Variants in ME3 observed in about 807,000 individuals in gnomAD.
ME3 encodes malic enzyme 3.
A neutral mutation model predicts 68.9 loss-of-function variants in ME3; 48 were observed. The ratio of observed to expected loss-of-function variants is 0.70; its 90% confidence interval spans 0.55 to 0.89. The LOEUF (loss-of-function observed/expected upper bound fraction) is 0.89, where lower values mean the gene tolerates loss of function less well. ME3 is among the 40% of genes least tolerant of loss of function. The pLI is 0.00. For missense variants in ME3, 675 were observed against 797.4 expected, an observed-to-expected ratio of 0.85 and a Z score of 1.85; for synonymous variants, 320 against 318.8, an observed-to-expected ratio of 1.00 and a Z score of -0.04.
At chr11:86,552,747 G>A (rs1002188551) in intron 4 of ME3, among the ~76,000 whole-genome samples, 2 of 152,140 alleles carry the variant, frequency 1.3e-5, no homozygotes, top group African/African-American at 4.8e-5. Context: ...AATAAAGTCT[G>A]CCTTACCATC....
At chr11:86,629,279 T>C (rs1042671111) in intron 2 of ME3, among the ~76,000 whole-genome samples, 1 of 152,228 alleles carries the variant, frequency 6.6e-6, no homozygotes, top group Non-Finnish European at 1.5e-5. Context: ...CCCAGAGGCA[T>C]GGCTTTGTCT....
chr11:86,565,311 A>G (rs1458027298), intron 2 of ME3, among the ~76,000 whole-genome samples: 1 of 152,218 alleles, frequency 6.6e-6, no homozygotes, highest in Non-Finnish European at 1.5e-5. Flanking sequence ...GCCTGTATGG[A>G]AAGCGTAGTG....
chr11:86,566,748 A>G (rs1006402926), intron 2 of ME3, among the ~76,000 whole-genome samples: 3 of 152,146 alleles, frequency 2.0e-5, no homozygotes, highest in African/African-American at 7.2e-5. Context: ...ATTTTATAAT[A>G]AATAAGTATA....
chr11:86,444,167 TC>T (rs1254117486), intron 13 of ME3, among the ~76,000 whole-genome samples: 2 of 152,206 alleles, frequency 1.3e-5, no homozygotes, highest in Non-Finnish European at 2.9e-5. Context: ...AGGAAAGGCT[TC>T]TCAGAAGTGT....
At chr11:86,669,487 GGC>G (rs1238538829) in intron 2 of ME3, among the ~76,000 whole-genome samples, 2 of 152,104 alleles carry the variant, frequency 1.3e-5, no homozygotes, top group Non-Finnish European at 2.9e-5. Flanking sequence ...TCATGGCGAA[GGC>G]ACCTCCTCAG....
intron 2 of ME3, among the ~76,000 whole-genome samples, chr11:86,596,713 A>G (rs1565188382): frequency 6.6e-6 from 1 of 152,236 alleles, no homozygotes; most frequent in Non-Finnish European, 1.5e-5. Context: ...AAATTTCAGA[A>G]AGATTCAATG....
chr11:86,599,376 T>C (rs987495487), intron 2 of ME3, among the ~76,000 whole-genome samples: 1 of 151,896 alleles, frequency 6.6e-6, no homozygotes, highest in Non-Finnish European at 1.5e-5. Flanking sequence ...ATGAATGAAA[T>C]GAAGCGAGAA....
intron 4 of ME3, among the ~76,000 whole-genome samples, chr11:86,549,621 G>C (rs1227864493): frequency 6.6e-6 from 1 of 152,218 alleles, no homozygotes; most frequent in Admixed American, 6.5e-5. Context: ...CCTTGAGCCT[G>C]ATGTTTGCTC....
intron 3 of ME3, among the ~76,000 whole-genome samples, chr11:86,558,284 T>A (rs1278690506): frequency 6.6e-6 from 1 of 152,144 alleles, no homozygotes; most frequent in Non-Finnish European, 1.5e-5. Flanking sequence ...AAACTTAGGG[T>A]GTGTCTCATC....
intron 5 of ME3, among the ~76,000 whole-genome samples, chr11:86,507,502 A>C (rs926627422): frequency 6.7e-6 from 1 of 150,018 alleles, no homozygotes; most frequent in African/African-American, 2.5e-5. Context: ...AGGTGCCAAA[A>C]ATGCCCTTAC....
In ME3 at chr11:86,621,836, G is replaced by C. The variant is rs1030618639; in HGVS notation, c.183+49926C>G. Among the ~76,000 whole-genome samples, 29 of 151,936 alleles carry C rather than the reference G, an allele frequency of 1.9e-4. 1 individual carries two copies. Among genetic ancestry groups the C allele is most frequent in the African/African-American group, 7.0e-4 (29 of 41,256 alleles). On this transcript the variant is annotated intron_variant, in intron 2 of 14. Coordinates refer to ENST00000543262, the Ensembl canonical transcript of ME3. ...GAAATAAATCAAAATATAAAACAAT[G>C]TGTTAAATGCACTTTTATATAAATG... is the stretch of plus-strand genomic sequence containing the variant.
intron 2 of ME3, among the ~76,000 whole-genome samples, chr11:86,637,051 A>G (rs56304616): frequency 0.095 from 14,409 of 152,166 alleles, 703 homozygotes; most frequent in South Asian, 0.13. Flanking sequence ...AAAGTAAAAG[A>G]AGCAAAAAAT....
intron 2 of ME3, among the ~76,000 whole-genome samples, chr11:86,561,212 T>C (rs971782875): frequency 4.6e-5 from 7 of 152,058 alleles, no homozygotes; most frequent in Admixed American, 2.6e-4. Flanking sequence ...TTGGTTGTTT[T>C]TTTGTTTTTG....
At chr11:86,527,860 A>G (rs1182898737) in intron 4 of ME3, among the ~76,000 whole-genome samples, 1 of 152,240 alleles carries the variant, frequency 6.6e-6, no homozygotes, top group Admixed American at 6.5e-5. Flanking sequence ...AGGAAGCACT[A>G]AACATGGAAA....
chr11:86,494,419 T>C (rs899619654), intron 6 of ME3, among the ~76,000 whole-genome samples: 2 of 152,192 alleles, frequency 1.3e-5, no homozygotes, highest in African/African-American at 2.4e-5. Context: ...CTTAGAGCTG[T>C]GGGACCTGAG....
At chr11:86,511,459 A>C (rs1247807506) in intron 4 of ME3, among the ~76,000 whole-genome samples, 2 of 152,202 alleles carry the variant, frequency 1.3e-5, no homozygotes, top group Non-Finnish European at 2.9e-5. Context: ...CAGTGAGAGA[A>C]ATCTAGCATG....
intron 4 of ME3, among the ~76,000 whole-genome samples, chr11:86,547,971 A>C (rs937708515): frequency 6.6e-6 from 1 of 152,234 alleles, no homozygotes; most frequent in Non-Finnish European, 1.5e-5. Flanking sequence ...TCAACCCAGA[A>C]CATCCTGTTC....
intron 13 of ME3, 133 bp downstream of exon 13, chr11:86,446,181 G>T (rs547562870): frequency 9.5e-7 from 1 of 1,051,432 alleles, no homozygotes; most frequent in Non-Finnish European, 1.4e-6. Context: ...GATGCTTGAG[G>T]TTTAAGCACT....
chr11:86,441,096 A>G (rs898713180), downstream of ME3: 74 of 475,720 alleles, frequency 1.6e-4, no homozygotes, highest in African/African-American at 1.3e-3. Flanking sequence ...AGAAAAGTGA[A>G]CTCCCAGGGC....
Sources: gnomAD v4.1 joint callset for allele counts (sites outside exome capture counted in the v4.1 genomes callset) on GRCh38, gnomAD v4.1.1 for gene constraint, MANE v1.5 for transcripts, NCBI Gene and HGNC (gene_info 2026-07-23, HGNC 2026-07-21) for gene names.